ZNF341: variants seen among roughly 807,000 people sequenced by gnomAD.
The protein encoded by ZNF341 is zinc finger protein 341.
Under a neutral mutation model 87.7 loss-of-function variants are expected in ZNF341, and 52 were observed. That is an observed-to-expected ratio of 0.59 (90% CI 0.47 to 0.75). The LOEUF (loss-of-function observed/expected upper bound fraction) is 0.75. ZNF341 is among the 30% of genes least tolerant of loss of function. The pLI, the probability that ZNF341 is intolerant of heterozygous loss-of-function variation, is 0.00. For synonymous variants in ZNF341, 459 were observed against 472.7 expected (o/e 0.97, Z 0.38); for missense variants, 977 against 1,145.9 (o/e 0.85, Z 2.13).
chr20:33,751,993 A>G (rs2626536), intron 4 of ZNF341, among the ~76,000 whole-genome samples: 8,586 of 152,238 alleles, frequency 0.056, 819 homozygotes, highest in African/African-American at 0.19. Flanking sequence ...AGCAGTCTAC[A>G]TAATCTGGTA....
chr20:33,780,072 C>T (rs529468456), intron 10 of ZNF341, among the ~76,000 whole-genome samples: 18 of 152,092 alleles, frequency 1.2e-4, no homozygotes, highest in Non-Finnish European at 2.6e-4. Flanking sequence ...GGGAGTGCAT[C>T]GTGGGGGGCA....
chr20:33,756,746 T>C (rs999804773), intron 5 of ZNF341, among the ~76,000 whole-genome samples: 5 of 152,210 alleles, frequency 3.3e-5, no homozygotes, highest in East Asian at 1.9e-4. Context: ...GTGTATTGCA[T>C]GCTCACTCTA....
intron 11 of ZNF341, among the ~76,000 whole-genome samples, chr20:33,782,887 G>T (rs934762161): frequency 6.6e-6 from 1 of 152,312 alleles, no homozygotes; most frequent in South Asian, 2.1e-4. Context: ...TGGGTGTGGT[G>T]GTGGGCGCCT....
At chr20:33,776,821 AT>A (rs976920326) in intron 10 of ZNF341, among the ~76,000 whole-genome samples, 1 of 151,406 alleles carries the variant, frequency 6.6e-6, no homozygotes, top group African/African-American at 2.4e-5. Flanking sequence ...TCCTAGGTAA[AT>A]TTGTTTGTTT....
chr20:33,736,051 T>C (rs1411071281), intron 1 of ZNF341, among the ~76,000 whole-genome samples: 1 of 150,964 alleles, frequency 6.6e-6, no homozygotes, highest in African/African-American at 2.4e-5. Context: ...GTATGGCTAT[T>C]TCACCATTTA....
intron 5 of ZNF341, among the ~76,000 whole-genome samples, chr20:33,754,659 C>T (rs926656682): frequency 6.6e-6 from 1 of 152,070 alleles, no homozygotes; most frequent in African/African-American, 2.4e-5. Flanking sequence ...GGGGACCAGC[C>T]CAGAGAGGAC....
intron 10 of ZNF341, among the ~76,000 whole-genome samples, chr20:33,773,888 A>G (rs746026705): frequency 2.6e-5 from 4 of 152,052 alleles, no homozygotes; most frequent in Non-Finnish European, 4.4e-5. Flanking sequence ...TGTCAGCCAC[A>G]TTGCCTTGGC....
At chr20:33,735,339 T>A (rs1326973834) in intron 1 of ZNF341, among the ~76,000 whole-genome samples, 1 of 152,096 alleles carries the variant, frequency 6.6e-6, no homozygotes, top group Non-Finnish European at 1.5e-5. Context: ...CAGCCTTTTT[T>A]ATTTTTATTT....
At chr20:33,785,789 C>T (rs965154211) in intron 12 of ZNF341, among the ~76,000 whole-genome samples, 2 of 152,136 alleles carry the variant, frequency 1.3e-5, no homozygotes, top group African/African-American at 2.4e-5. Flanking sequence ...CGCTTGCTTA[C>T]GTTTGCAAAA....
At chr20:33,758,924 A>T (rs1373056711) in intron 7 of ZNF341, 118 bp downstream of exon 7, 12 of 830,800 alleles carry the variant, frequency 1.4e-5, no homozygotes, top group East Asian at 1.0e-4. Context: ...CTGCACTTGC[A>T]TGTTCAGGCT....
Position 33,757,259 on chromosome 20 carries a change from G to A in ZNF341, c.853G>A (p.Ala285Thr), listed in dbSNP as rs34320940. The change falls in exon 6 of 15, where the codon GCC becomes ACC. Residue 285 changes from alanine to threonine, a missense_variant. Coordinates refer to ENST00000375200, the MANE Select transcript of ZNF341 (RefSeq NM_001282933.2). ...GPNPAAPMTSATGGTVATFDS... is the reference protein window; with the variant it reads ...GPNPAAPMTSTTGGTVATFDS... ...AAACCCCGCCGCCCCCATGACCAGC[G>A]CCACCGGGGGCACGGTGGCCACCTT... The A allele has an allele frequency of 3.8e-4, 603 of 1,605,242 alleles. 2 individuals carry two copies. In the African/African-American group the frequency reaches 4.1e-3, roughly 11 times the overall value.
intron 3 of ZNF341, 40 bp downstream of exon 3, chr20:33,745,339 G>A (rs2018896585): frequency 1.9e-6 from 3 of 1,576,514 alleles, no homozygotes; most frequent in Non-Finnish European, 2.6e-6. Flanking sequence ...CTTTTTTGAG[G>A]GCCTAACATG....
chr20:33,789,493 C>A, intron 13 of ZNF341, 25 bp from the exon 14 acceptor site: 5 of 1,613,712 alleles, frequency 3.1e-6, no homozygotes, highest in Non-Finnish European at 4.2e-6. Flanking sequence ...GTGAGCTCCC[C>A]CTGACCAGTG....
At chr20:33,734,380 C>G (rs1478773115) in intron 1 of ZNF341, among the ~76,000 whole-genome samples, 2 of 151,922 alleles carry the variant, frequency 1.3e-5, no homozygotes, top group Non-Finnish European at 2.9e-5. Context: ...CCTAGCTGCT[C>G]TGGAACAGAC....
intron 10 of ZNF341, among the ~76,000 whole-genome samples, chr20:33,771,512 C>T (rs2122708235): frequency 6.6e-6 from 1 of 152,022 alleles, no homozygotes; most frequent in South Asian, 2.1e-4. Flanking sequence ...TCCCAAAATG[C>T]TAGGATTACA....
rs745938086 is a variant in ZNF341 at position 33,757,255 on chromosome 20, C to G, written c.849C>G (p.Thr283=). ...GACCAAACCCCGCCGCCCCCATGACCAGCGCCACCGGGGGCACGGTGGCCA... is the reference window on the plus strand; with the variant it reads ...GACCAAACCCCGCCGCCCCCATGACGAGCGCCACCGGGGGCACGGTGGCCA... ...PKGPNPAAPM[T]SATGGTVATF... is the part of the protein sequence containing the mutation. The change falls in exon 6 of 15, where the codon ACC becomes ACG. Residue 283 remains threonine (T), a synonymous_variant. Coordinates refer to ENST00000375200, the MANE Select transcript of ZNF341 (RefSeq NM_001282933.2). 8 of 1,606,130 alleles carry G rather than the reference C, an allele frequency of 5.0e-6. No individual in the cohort carries two copies. In the East Asian group the frequency reaches 1.8e-4, roughly 37 times the overall value.
At chr20:33,739,168 C>T (rs1413470379) in intron 1 of ZNF341, among the ~76,000 whole-genome samples, 1 of 152,140 alleles carries the variant, frequency 6.6e-6, no homozygotes, top group East Asian at 1.9e-4. Context: ...TGGGGTTTCA[C>T]CATCTTGGCC....
chr20:33,756,962 C>T (rs533959717), intron 5 of ZNF341, among the ~76,000 whole-genome samples, 186 bp from the exon 6 acceptor site: 2 of 152,218 alleles, frequency 1.3e-5, no homozygotes, highest in South Asian at 4.1e-4. Flanking sequence ...GTTCTGGCCT[C>T]CTGGCTTCAT....
chr20:33,738,966 T>G (rs916481903), intron 1 of ZNF341, among the ~76,000 whole-genome samples: 1 of 152,080 alleles, frequency 6.6e-6, no homozygotes, highest in African/African-American at 2.4e-5. Flanking sequence ...TTTCAATTTT[T>G]TATTTTATTT....
Sources: gnomAD v4.1 joint callset for allele counts (sites outside exome capture counted in the v4.1 genomes callset) on GRCh38, gnomAD v4.1.1 for gene constraint, MANE v1.5 for transcripts, NCBI Gene and HGNC (gene_info 2026-07-23, HGNC 2026-07-21) for gene names.